MNS1: variants seen among roughly 807,000 people sequenced by gnomAD.
MNS1 encodes the protein meiosis-specific nuclear structural protein 1.
Under a neutral mutation model 72.0 loss-of-function variants are expected in MNS1, and 63 were observed. That is an observed-to-expected ratio of 0.87 (90% CI 0.71 to 1.08). The LOEUF (loss-of-function observed/expected upper bound fraction) is 1.08, where lower values mean the gene tolerates loss of function less well. MNS1 is among the 50% of genes least tolerant of loss of function. The pLI is 0.00. For synonymous variants in MNS1, 188 were observed against 172.1 expected (o/e 1.09, Z -0.72); for missense variants, 604 against 562.4 (o/e 1.07, Z -0.75).
rs2051049172 is a variant in MNS1 at position 56,464,967 on chromosome 15, C to T, written c.3+3G>A. ...GTAGTTTCAAGTCCCCCAACTGGCT[C>T]ACCATCTTGGCTGACGAAAAATACC... On this transcript the variant is annotated splice_donor_region_variant and intron_variant, in intron 1 of 9. Coordinates refer to ENST00000260453, the MANE Select transcript of MNS1 (RefSeq NM_018365.4). The T allele has an allele frequency of 1.9e-6, 3 of 1,611,360 alleles. No homozygotes were observed. The South Asian group carries it at 3.3e-5, about 18-fold the overall frequency.
intron 3 of MNS1, chr15:56,447,443 ATTAT>A (rs2050914858): frequency 6.6e-6 from 1 of 151,964 alleles, no homozygotes; most frequent in African/African-American, 2.4e-5. Context: ...TATCCTTCTA[ATTAT>A]TTGGTTTTTT....
chr15:56,439,294 T>G (rs1267546022), intron 7 of MNS1, among the ~76,000 whole-genome samples: 1 of 152,118 alleles, frequency 6.6e-6, no homozygotes, highest in Non-Finnish European at 1.5e-5. Flanking sequence ...AGAGCCAAAT[T>G]GTGTTCATGA....
At chr15:56,432,437 T>C (rs1334459386) in intron 8 of MNS1, among the ~76,000 whole-genome samples, 1 of 152,174 alleles carries the variant, frequency 6.6e-6, no homozygotes, top group African/African-American at 2.4e-5. Context: ...GGAATGTCTC[T>C]GAAATCCAAA....
At chr15:56,437,966 C>G (rs1087764) in intron 7 of MNS1, among the ~76,000 whole-genome samples, 4,748 of 151,946 alleles carry the variant, frequency 0.031, 185 homozygotes, top group East Asian at 0.093. Context: ...AAATAAAAGA[C>G]GACACAAACA....
chr15:56,461,604 T>C (rs1010079294), intron 2 of MNS1, among the ~76,000 whole-genome samples: 5 of 131,184 alleles, frequency 3.8e-5, no homozygotes, highest in Non-Finnish European at 6.1e-5. Flanking sequence ...GAGGTTGCAG[T>C]GAGCCGAGAT....
intron 7 of MNS1, among the ~76,000 whole-genome samples, chr15:56,441,179 T>A (rs1205060141): frequency 2.0e-5 from 3 of 152,186 alleles, no homozygotes; most frequent in African/African-American, 4.8e-5. Context: ...TTAATTATAA[T>A]ATATTTAAGG....
In MNS1 at chr15:56,456,415, C is replaced by T. The variant is rs762970095; in HGVS notation, c.332G>A (p.Arg111Lys). 3 of 1,608,770 alleles carry T rather than the reference C, an allele frequency of 1.9e-6. No homozygotes were observed. Among genetic ancestry groups the T allele is most frequent in the East Asian group, 2.2e-5 (1 of 44,572 alleles). The change falls in exon 3 of 10, where the codon AGG becomes AAG. Residue 111 changes from arginine to lysine, a missense_variant. Coordinates refer to ENST00000260453, the MANE Select transcript of MNS1 (RefSeq NM_018365.4). ...ATACCTGTTTTCTCTTACTTGTTGC[C>T]TCATCTTTTCGTCCTTTAGACTTTC... ...KHESLKDEKM[R>K]QQVRENSIEL...
chr15:56,440,252 TAA>T (rs527332253), intron 7 of MNS1, among the ~76,000 whole-genome samples: 124 of 152,084 alleles, frequency 8.2e-4, no homozygotes, highest in Non-Finnish European at 2.6e-4. Context: ...GTGGCTAAAA[TAA>T]AAAATTGTTG....
Position 56,431,439 on chromosome 15 carries a change from A to G in MNS1, c.1329T>C (p.Ile443=), listed in dbSNP as rs2140318225. The change falls in exon 9 of 10, where the codon ATT becomes ATC. Residue 443 remains isoleucine (I), a synonymous_variant. Transcript: ENST00000260453. ...GAAGTTTTAGCCTTTCTTCTTCAAT[A>G]ATTGCATTAATAAATCCTTGCCGCC... ...QQRRQGFINA[I]IEEERLKLLK... is the part of the protein sequence containing the mutation. 1.2e-6 allele frequency: 2 copies of G among 1,613,660 alleles called. No homozygotes were observed. The highest frequency in any genetic ancestry group is 1.7e-6 in the Non-Finnish European group (2 of 1,179,880).
Position 56,464,034 on chromosome 15 carries a change from T to G in MNS1, c.217A>C (p.Ile73Leu), listed in dbSNP as rs562977886. ...EQFELDMEEAIQKAEENKRLK... is the reference protein window; with the variant it reads ...EQFELDMEEALQKAEENKRLK... ...TGAATAGTAAAACTTACCTTTTGAA[T>G]GGCCTCTTCCATATCCAACTCAAAT... is the stretch of plus-strand genomic sequence containing the variant. The change falls in exon 2 of 10, where the codon ATT (isoleucine) becomes CTT (leucine). Residue 73 changes from isoleucine to leucine, a missense_variant. Transcript: ENST00000260453. 51 of 1,604,836 alleles carry G rather than the reference T, an allele frequency of 3.2e-5. 2 individuals are homozygous for G. In the South Asian group the frequency reaches 5.5e-4, roughly 17 times the overall value.
intron 8 of MNS1, 128 bp from the exon 9 acceptor site, chr15:56,431,626 T>C: frequency 2.3e-5 from 16 of 685,058 alleles, no homozygotes; most frequent in Non-Finnish European, 3.4e-5. Flanking sequence ...GTTCAAAAGA[T>C]TCTAGATAAT....
chr15:56,445,522 A>G (rs993087849), intron 4 of MNS1: 5 of 152,046 alleles, frequency 3.3e-5, no homozygotes, highest in Admixed American at 6.5e-5. Context: ...CCTTTAACAT[A>G]TACTCTGATA....
At chr15:56,435,198 T>G (rs1294278254) in intron 7 of MNS1, among the ~76,000 whole-genome samples, 1 of 151,966 alleles carries the variant, frequency 6.6e-6, no homozygotes, top group African/African-American at 2.4e-5. Context: ...AATGTATATA[T>G]ATAGCACTAA....
chr15:56,429,141 T>A lies in MNS1; in HGVS notation c.1448A>T (p.Lys483Ile). 1 of 1,603,786 alleles carries A rather than the reference T, an allele frequency of 6.2e-7. No homozygotes were observed. ...AATTTCACTCCTTTGTTGATATACTTTCCTGAACTCTTCACCAAGCAGATC... is the reference window on the plus strand; with the variant it reads ...AATTTCACTCCTTTGTTGATATACTATCCTGAACTCTTCACCAAGCAGATC... ...DIDLLGEEFR[K>I]VYQQRSEICE... is the part of the protein sequence containing the mutation. Residue 483 changes from lysine (K) to isoleucine (I), a missense_variant, in exon 10 of 10, where the codon AAA becomes ATA. Physicochemically the swap from Lys to Ile is moderately radical, Grantham distance 102. Coordinates refer to ENST00000260453, the MANE Select transcript of MNS1 (RefSeq NM_018365.4).
chr15:56,454,372 T>TTTTAG (rs71110394), intron 3 of MNS1, among the ~76,000 whole-genome samples: 119,852 of 151,394 alleles, frequency 0.79, 47,732 homozygotes, highest in Middle Eastern at 0.89. Context: ...AATTATACTC[T>TTTTAG]TTATTTTTAA....
intron 7 of MNS1, among the ~76,000 whole-genome samples, chr15:56,436,631 A>G (rs1596256258): frequency 6.6e-6 from 1 of 152,200 alleles, no homozygotes; most frequent in African/African-American, 2.4e-5. Flanking sequence ...GGAGATAGAG[A>G]CACAAAAAAC....
intron 3 of MNS1, among the ~76,000 whole-genome samples, chr15:56,448,710 T>G (rs1177496870): frequency 1.3e-5 from 2 of 151,830 alleles, no homozygotes; most frequent in Non-Finnish European, 2.9e-5. Flanking sequence ...ATGCATATGC[T>G]TTTTTTGGTA....
At chr15:56,434,027 A>C in intron 8 of MNS1, 111 bp downstream of exon 8, 1 of 1,187,024 alleles carries the variant, frequency 8.4e-7, no homozygotes, top group Non-Finnish European at 1.2e-6. Context: ...ATTAGTAAAC[A>C]TACTAACATT....
chr15:56,439,652 G>A (rs1194558027), intron 7 of MNS1, among the ~76,000 whole-genome samples: 2 of 151,604 alleles, frequency 1.3e-5, no homozygotes, highest in Admixed American at 6.6e-5. Flanking sequence ...TGGAACAACT[G>A]AACTAAATCC....
Sources: gnomAD v4.1 joint callset for allele counts (sites outside exome capture counted in the v4.1 genomes callset) on GRCh38, gnomAD v4.1.1 for gene constraint, MANE v1.5 for transcripts, NCBI Gene and HGNC (gene_info 2026-07-23, HGNC 2026-07-21) for gene names.